ZNF823: variants seen among roughly 807,000 people sequenced by gnomAD.
ZNF823 encodes zinc finger protein 823.
A neutral mutation model predicts 11.4 loss-of-function variants in ZNF823; 5 were observed. The ratio of observed to expected loss-of-function variants is 0.44; its 90% CI spans 0.23 to 0.92. The LOEUF (loss-of-function observed/expected upper bound fraction) is 0.92. ZNF823 is among the 40% of genes least tolerant of loss of function. The pLI is 0.24. For synonymous variants in ZNF823, 234 were observed against 250.5 expected (o/e 0.93, Z 0.62); for missense variants, 582 against 738.5 (o/e 0.79, Z 2.46).
chr19:11,721,915 G>C lies in ZNF823; in HGVS notation c.1619C>G (p.Thr540Ser). The C allele has an allele frequency of 6.2e-7, 1 of 1,613,764 alleles. No homozygotes were observed. Among genetic ancestry groups the C allele is most frequent in the South Asian group, 1.1e-5 (1 of 91,036 alleles). Reference protein sequence around the residue: ...KECGKAFSWLTCLLRHERIHT... With the variant: ...KECGKAFSWLSCLLRHERIHT... ...AATTCTTTCATGTCGTAGAAGGCAA[G>C]TGAGCCAAGAGAATGCTTTTCCACA... The change falls in exon 4 of 4, where the codon ACT becomes AGT. Residue 540 changes from threonine to serine, a missense_variant. Thr to Ser is a moderately conservative substitution (Grantham distance 58, BLOSUM62 1). This residue lies in a region of ZNF823 where 144 missense variants were observed against 154.3 expected (regional missense o/e 0.93). Coordinates refer to ENST00000341191, the MANE Select transcript of ZNF823 (RefSeq NM_001080493.4).
intron 1 of ZNF823, among the ~76,000 whole-genome samples, chr19:11,728,319 A>C (rs867058841): frequency 1.2e-4 from 19 of 152,328 alleles, no homozygotes; most frequent in Non-Finnish European, 2.2e-4. Flanking sequence ...CAGCAGACCT[A>C]CTAAGTCTTG....
chr19:11,728,597 C>T (rs773356829), intron 1 of ZNF823, among the ~76,000 whole-genome samples: 3 of 152,214 alleles, frequency 2.0e-5, no homozygotes, highest in Admixed American at 6.5e-5. Context: ...AACTGAAGGT[C>T]CATTAGTTAT....
intron 1 of ZNF823, 124 bp downstream of exon 1, chr19:11,738,693 G>C: frequency 7.8e-7 from 1 of 1,283,620 alleles, no homozygotes; most frequent in Non-Finnish European, 1.0e-6. Flanking sequence ...AGCTGCGCCA[G>C]GGGCACTGGG....
rs1272609963 is a variant in ZNF823 at position 11,724,235 on chromosome 19, C to T, written c.150G>A (p.Gln50=). 1 of 1,607,364 alleles carries T rather than the reference C, an allele frequency of 6.2e-7. No homozygotes were observed. Among genetic ancestry groups the T allele is most frequent in the South Asian group, 1.1e-5 (1 of 89,548 alleles). Residue 50 remains glutamine (Q), a synonymous_variant, in exon 3 of 4, where the codon CAG becomes CAA. Coordinates refer to ENST00000341191, the MANE Select transcript of ZNF823 (RefSeq NM_001080493.4). The stretch of plus-strand genomic sequence containing the variant: ...CATTTTGGCACTGATCTCCAATGTT[C>T]TGGTCCTCCCATTTCATTTCTAAAA... ...LDCIEMKWED[Q]NIGDQCQNAK...
intron 1 of ZNF823, among the ~76,000 whole-genome samples, chr19:11,726,905 T>A (rs1453969559): frequency 6.6e-6 from 1 of 152,174 alleles, no homozygotes; most frequent in Non-Finnish European, 1.5e-5. Flanking sequence ...ATTTAGCCCA[T>A]CCTATGCAAT....
intron 1 of ZNF823, among the ~76,000 whole-genome samples, chr19:11,732,227 T>C (rs924989458): frequency 1.4e-5 from 2 of 147,120 alleles, no homozygotes; most frequent in Admixed American, 1.4e-4. Context: ...TGCAGTGGTA[T>C]GATCTCGGCT....
chr19:11,722,080 TA>T lies in ZNF823; in HGVS notation c.1453del (p.Tyr485ThrfsTer11), dbSNP rs1453413985. On this transcript the variant is annotated frameshift_variant, in exon 4 of 4. Coordinates refer to ENST00000341191, the MANE Select transcript of ZNF823 (RefSeq NM_001080493.4). LOFTEE classifies it low-confidence loss of function (END_TRUNC). This position sits in a 1 kb window ranked among gnomAD's most constrained non-coding sequence, Gnocchi z 5.2. ...GTGGGTCCTTTTATGTTGAGAAAGG[TA>T]TTTGAAACAACTGAATGCTTTCCCA... ...ECGKAFSCFK[Y>X]LSQHKRTHTV... The T allele has an allele frequency of 6.2e-7, 1 of 1,611,076 alleles. No individual in the cohort carries two copies. Among genetic ancestry groups the T allele is most frequent in the Non-Finnish European group, 8.5e-7 (1 of 1,179,308 alleles).
chr19:11,722,799 C>T lies in ZNF823; in HGVS notation c.735G>A (p.Glu245=), dbSNP rs286280. 5.0e-4 allele frequency: 811 copies of T among 1,614,042 alleles called. 7 individuals carry two copies. The African/African-American group carries it at 9.7e-3, about 19-fold the overall frequency. The change falls in exon 4 of 4, where the codon GAG becomes GAA. Residue 245 remains glutamate, a synonymous_variant. Coordinates refer to ENST00000341191, the MANE Select transcript of ZNF823 (RefSeq NM_001080493.4). The surrounding 1 kb of genome is among the most constrained non-coding windows in gnomAD (Gnocchi z 5.2). The part of the protein sequence containing the change: ...YLRHERIHTG[E]KAYECKQCSK... ...AACACTGCTTACATTCATACGCTTTCTCTCCCGTGTGGATTCTTTCATGTC... is the reference window on the plus strand; with the variant it reads ...AACACTGCTTACATTCATACGCTTTTTCTCCCGTGTGGATTCTTTCATGTC...
intron 1 of ZNF823, among the ~76,000 whole-genome samples, chr19:11,732,148 C>T (rs1974908060): frequency 6.7e-6 from 1 of 149,322 alleles, no homozygotes; most frequent in Non-Finnish European, 1.5e-5. Context: ...AGGGAAAGGG[C>T]AGGGATGGTT....
intron 1 of ZNF823, among the ~76,000 whole-genome samples, chr19:11,727,541 C>A (rs1183902523): frequency 6.6e-6 from 1 of 151,790 alleles, no homozygotes; most frequent in Non-Finnish European, 1.5e-5. Context: ...ACAATAACAA[C>A]AAAAAAAGAA....
chr19:11,735,136 G>A (rs999377006), intron 1 of ZNF823, among the ~76,000 whole-genome samples: 1 of 151,838 alleles, frequency 6.6e-6, no homozygotes, highest in Non-Finnish European at 1.5e-5. Context: ...TTAGCTGGGC[G>A]TGGTGGTGGT....
intron 1 of ZNF823, among the ~76,000 whole-genome samples, chr19:11,738,033 C>G (rs918081699): frequency 3.3e-5 from 5 of 152,332 alleles, no homozygotes; most frequent in Admixed American, 3.3e-4. Flanking sequence ...AGCGTCCTCA[C>G]CGGGTTCACA....
At chr19:11,732,728 C>G (rs1208096371) in intron 1 of ZNF823, among the ~76,000 whole-genome samples, 1 of 152,252 alleles carries the variant, frequency 6.6e-6, no homozygotes. Flanking sequence ...CCACCGCGCC[C>G]GGCAAAGCTT....
In ZNF823 at chr19:11,723,192, A is replaced by G; in HGVS notation, c.342T>C (p.Asn114=). Reference sequence around the variant, plus strand: ...GTCCAGTGTCAACTCTGATGTTGCAATTAAGAGACGAATGACCCAAGACGA... The same window carrying G: ...GTCCAGTGTCAACTCTGATGTTGCAGTTAAGAGACGAATGACCCAAGACGA... ...GEVVLGHSSL[N]CNIRVDTGHK... Residue 114 remains asparagine (N), a synonymous_variant, in exon 4 of 4, where the codon AAT becomes AAC. Coordinates refer to ENST00000341191, the MANE Select transcript of ZNF823 (RefSeq NM_001080493.4). 6.2e-7 allele frequency: 1 copy of G among 1,614,132 alleles called. No homozygotes were observed. Among genetic ancestry groups the G allele is most frequent in the Non-Finnish European group, 8.5e-7 (1 of 1,180,026 alleles).
rs1445734566 is a variant in ZNF823, at chr19:11,721,803, G to A, written c.1731C>T (p.His577=). Reference sequence around the variant, plus strand: ...TACATTCATACAGCTTCTCTCCAGTGTGAGTTTTTTCATGTCCTCGAAGGA... The same window carrying A: ...TACATTCATACAGCTTCTCTCCAGTATGAGTTTTTTCATGTCCTCGAAGGA... The part of the protein sequence containing the change: ...SRFLRGHEKT[H]TGEKLYECKE... The change falls in exon 4 of 4, where the codon CAC becomes CAT. Residue 577 remains histidine, a synonymous_variant. Transcript: ENST00000341191. 6.2e-7 allele frequency: 1 copy of A among 1,614,186 alleles called. No homozygotes were observed.
Position 11,723,318 on chromosome 19 carries a change from A to T in ZNF823, c.216T>A (p.Asp72Glu). 1.2e-6 allele frequency: 2 copies of T among 1,610,978 alleles called. No individual in the cohort carries two copies. The highest frequency in any genetic ancestry group is 1.7e-6 in the Non-Finnish European group (2 of 1,178,322). ...NLRSHTCEIKDDSQCGETFGQ... is the reference protein window; with the variant it reads ...NLRSHTCEIKEDSQCGETFGQ... ...CAAAAGTTTCTCCACATTGACTGTC[A>T]TCTTTAATTTCACATGTATGACTTC... Residue 72 changes from aspartate (D) to glutamate (E), a missense_variant, in exon 4 of 4, where the codon GAT becomes GAA. Asp to Glu is a conservative substitution (Grantham distance 45). Transcript: ENST00000341191.
Position 11,722,263 on chromosome 19 carries a change from G to T in ZNF823, c.1271C>A (p.Ala424Asp), listed in dbSNP as rs1259913718. 1 of 1,613,986 alleles carries T rather than the reference G, an allele frequency of 6.2e-7. No homozygotes were observed. Among genetic ancestry groups the T allele is most frequent in the South Asian group, 1.1e-5 (1 of 91,066 alleles). Residue 424 changes from alanine (A) to aspartate (D), a missense_variant, in exon 4 of 4, where the codon GCC (alanine) becomes GAC (aspartate). Ala to Asp is a moderately radical substitution (Grantham distance 126). Around this residue, in one of 3 missense-constraint regions of ZNF823, gnomAD observed 429 missense variants for 553.7 expected, o/e 0.77. Transcript: ENST00000341191. This position sits in a 1 kb window ranked among gnomAD's most constrained non-coding sequence, Gnocchi z 5.2. ...TCGAAGGGAACCGGCAAGACTGAAG[G>T]CTTTACCACATTGTTTACATTGATA... is the stretch of plus-strand genomic sequence containing the variant. Reference protein sequence around the residue: ...KPYQCKQCGKAFSLAGSLRRH... With the variant: ...KPYQCKQCGKDFSLAGSLRRH...
intron 2 of ZNF823, 35 bp from the exon 3 acceptor site, chr19:11,724,289 T>C: frequency 1.9e-6 from 3 of 1,565,888 alleles, no homozygotes; most frequent in Non-Finnish European, 2.6e-6. Context: ...ACTAAAAATG[T>C]TTACAAAATT....
intron 1 of ZNF823, chr19:11,730,889 G>A (rs1280696258): frequency 2.6e-5 from 4 of 151,248 alleles, no homozygotes; most frequent in Non-Finnish European, 5.9e-5. Context: ...TGTCAACAAA[G>A]TCCAGCAAAA....
Sources: gnomAD v4.1 joint callset for allele counts (sites outside exome capture counted in the v4.1 genomes callset) on GRCh38, gnomAD v4.1.1 for gene constraint, gnomAD v4.1.1 regional missense constraint, Gnocchi (gnomAD v3.1) non-coding constraint, MANE v1.5 for transcripts, NCBI Gene and HGNC (gene_info 2026-07-23, HGNC 2026-07-21) for gene names.